DPYS: variants seen among roughly 807,000 people sequenced by gnomAD.
DPYS encodes dihydropyrimidine amidohydrolase.
Under a neutral mutation model 50.3 loss-of-function variants are expected in DPYS, and 39 were observed. The ratio of observed to expected loss-of-function variants is 0.78; its 90% CI spans 0.60 to 1.01. DPYS has a LOEUF of 1.01. Among genes scored for constraint, DPYS ranks in the 50% least tolerant of loss-of-function variants. DPYS has a pLI of 0.00. For missense variants in DPYS, 659 were observed against 680.9 expected (o/e 0.97, Z 0.36); for synonymous variants, 245 against 250.7 (o/e 0.98, Z 0.22).
intron 5 of DPYS, chr8:104,429,272 T>G (rs1195194019): frequency 3.0e-5 from 14 of 471,426 alleles, no homozygotes; most frequent in Non-Finnish European, 5.4e-5. Flanking sequence ...GAGCCCTGGG[T>G]TTGGGCAACA....
rs142574766 is a variant in DPYS, at chr8:104,381,290, G to A, written c.1468C>T (p.Arg490Cys). The change falls in exon 9 of 10, where the codon CGT becomes TGT. Residue 490 changes from arginine to cysteine, a missense_variant. Arg to Cys is a radical substitution (Grantham distance 180). Transcript: ENST00000351513. ...GCGACTTCTCCCTTATAGGGTGCACGCTCCACAGGGGTAGGTGTGCAAGTC... is the reference window on the plus strand; with the variant it reads ...GCGACTTCTCCCTTATAGGGTGCACACTCCACAGGGGTAGGTGTGCAAGTC... The part of the protein sequence containing the change: ...DRTCTPTPVE[R>C]APYKGEVATL... The A allele has an allele frequency of 4.8e-5, 78 of 1,614,062 alleles. No homozygotes were observed. In the East Asian group the frequency reaches 1.0e-3, roughly 21 times the overall value.
intron 8 of DPYS, among the ~76,000 whole-genome samples, chr8:104,391,653 G>T (rs1811392360): frequency 6.6e-6 from 1 of 152,174 alleles, no homozygotes; most frequent in South Asian, 2.1e-4. Context: ...AATAACAGGG[G>T]TCTTTGATAG....
At chr8:104,459,431 T>C (rs1403827691) in intron 1 of DPYS, among the ~76,000 whole-genome samples, 4 of 152,218 alleles carry the variant, frequency 2.6e-5, no homozygotes, top group Non-Finnish European at 5.9e-5. Context: ...ACCATGGTTT[T>C]CATCTCTATA....
In DPYS at chr8:104,393,084, C is replaced by T. The variant is rs1811453897; in HGVS notation, c.1236-93G>A. 9.5e-6 allele frequency: 11 copies of T among 1,153,678 alleles called. No individual in the cohort carries two copies. The South Asian group carries it at 1.5e-4, about 15-fold the overall frequency. 71.5% of individuals were successfully genotyped at this position (1,153,678 alleles called of 1,614,324 possible). A position where few individuals can be genotyped will look rare whatever the true frequency, so the allele number is the denominator to read the frequency against. ...AAAAGAAGAATGACTTAGAAGAAAA[C>T]TTAGCAACTCTATTAAGTCATAGCT... On this transcript the variant is annotated intron_variant, in intron 7 of 9. Coordinates refer to ENST00000351513, the MANE Select transcript of DPYS (RefSeq NM_001385.3).
In DPYS at chr8:104,466,935, G is replaced by T; in HGVS notation, c.-15C>A. The T allele has an allele frequency of 6.8e-7, 1 of 1,465,310 alleles. No homozygotes were observed. Among genetic ancestry groups the T allele is most frequent in the Non-Finnish European group, 9.0e-7 (1 of 1,115,636 alleles). 90.8% of individuals were successfully genotyped at this position (1,465,310 alleles called of 1,614,324 possible). A position where few individuals can be genotyped will look rare whatever the true frequency, so the allele number is the denominator to read the frequency against. On this transcript the variant is annotated 5_prime_UTR_variant, in exon 1 of 10. Coordinates refer to ENST00000351513, the MANE Select transcript of DPYS (RefSeq NM_001385.3). The stretch of plus-strand genomic sequence containing the variant: ...GGCGCCGCCATAGCGAGGGGCGCGC[G>T]GGGTCCTACTCGGCCCGGGCTGCGC...
chr8:104,412,394 G>C (rs1185697611), intron 7 of DPYS, among the ~76,000 whole-genome samples: 1 of 152,184 alleles, frequency 6.6e-6, no homozygotes. Context: ...GCTATAAAGA[G>C]AGGTACTGAT....
intron 1 of DPYS, among the ~76,000 whole-genome samples, chr8:104,458,802 T>A (rs1305160596): frequency 6.6e-6 from 1 of 152,232 alleles, no homozygotes; most frequent in South Asian, 2.1e-4. Context: ...CATGTTAATA[T>A]GGAGTGTCAA....
Position 104,429,693 on chromosome 8 carries a change from C to T in DPYS, c.802G>A (p.Val268Ile), listed in dbSNP as rs1275128082. ...IADARRDGKV[V>I]YGEPIAASLG... ...CTGGCTGCTATGGGTTCACCATAGA[C>T]CACCTTCCCTGGAAAGATTAAAAGA... is the stretch of plus-strand genomic sequence containing the variant. The change falls in exon 5 of 10, where the codon GTC becomes ATC. Residue 268 changes from valine (V) to isoleucine (I), a missense_variant. Coordinates refer to ENST00000351513, the MANE Select transcript of DPYS (RefSeq NM_001385.3). The T allele has an allele frequency of 4.3e-6, 7 of 1,613,946 alleles. No individual in the cohort carries two copies. The highest frequency in any genetic ancestry group is 1.3e-5 in the African/African-American group (1 of 74,896).
At chr8:104,409,669 C>T (rs191553326) in intron 7 of DPYS, among the ~76,000 whole-genome samples, 34 of 152,254 alleles carry the variant, frequency 2.2e-4, no homozygotes, top group Middle Eastern at 3.4e-3. Context: ...CTCCCTACTA[C>T]TGTATAACTC....
chr8:104,458,982 G>A (rs1814025460), intron 1 of DPYS, among the ~76,000 whole-genome samples: 1 of 152,170 alleles, frequency 6.6e-6, no homozygotes, highest in South Asian at 2.1e-4. Context: ...TCAGGTGAAT[G>A]TTAAGGTCTT....
chr8:104,393,824 T>C (rs1000893719), intron 7 of DPYS, among the ~76,000 whole-genome samples: 1 of 152,204 alleles, frequency 6.6e-6, no homozygotes, highest in Non-Finnish European at 1.5e-5. Flanking sequence ...TTTATTTCCA[T>C]AGGCTTTTGG....
intron 1 of DPYS, among the ~76,000 whole-genome samples, chr8:104,464,431 C>G (rs1814278880): frequency 6.6e-6 from 1 of 152,206 alleles, no homozygotes. Context: ...TCATCTGGAA[C>G]CCTGATGGCA....
chr8:104,438,947 T>C (rs945514719), intron 4 of DPYS, among the ~76,000 whole-genome samples: 3 of 151,976 alleles, frequency 2.0e-5, no homozygotes, highest in African/African-American at 7.3e-5. Context: ...TGCATGCCTA[T>C]AGTCCCAGCC....
At chr8:104,389,547 T>C in intron 8 of DPYS, among the ~76,000 whole-genome samples, 1 of 152,062 alleles carries the variant, frequency 6.6e-6, no homozygotes, top group Non-Finnish European at 1.5e-5. Flanking sequence ...TTATTTTTTT[T>C]TTTTTGTCTC....
chr8:104,414,000 G>A (rs542729821), intron 7 of DPYS, among the ~76,000 whole-genome samples: 1 of 152,290 alleles, frequency 6.6e-6, no homozygotes, highest in Admixed American at 6.5e-5. Context: ...AAGGCTTACT[G>A]GGAGCCAGTA....
At chr8:104,395,364 A>G (rs1263115644) in intron 7 of DPYS, among the ~76,000 whole-genome samples, 2 of 152,206 alleles carry the variant, frequency 1.3e-5, no homozygotes, top group Non-Finnish European at 2.9e-5. Flanking sequence ...GCACATTTCT[A>G]TGAATGTTTA....
intron 7 of DPYS, chr8:104,411,719 AC>A (rs1812180732): frequency 6.6e-6 from 1 of 152,140 alleles, no homozygotes; most frequent in Non-Finnish European, 1.5e-5. Context: ...GCTCAGCAAT[AC>A]CCCTCATGGG....
Position 104,424,241 on chromosome 8 carries a change from A to G in DPYS, c.1235+6T>C. ...GAAGCCAAGGAATACAAGAACTTAGACTTACCTTGTGCCTTTTGGGTCCCA... is the reference window on the plus strand; with the variant it reads ...GAAGCCAAGGAATACAAGAACTTAGGCTTACCTTGTGCCTTTTGGGTCCCA... On this transcript the variant is annotated splice_donor_region_variant and intron_variant, in intron 7 of 9. Coordinates refer to ENST00000351513, the MANE Select transcript of DPYS (RefSeq NM_001385.3). 2 of 1,614,092 alleles carry G rather than the reference A, an allele frequency of 1.2e-6. No homozygotes were observed. Among genetic ancestry groups the G allele is most frequent in the Non-Finnish European group, 1.7e-6 (2 of 1,179,980 alleles).
chr8:104,413,950 G>A (rs1812280343), intron 7 of DPYS, among the ~76,000 whole-genome samples: 1 of 152,166 alleles, frequency 6.6e-6, no homozygotes, highest in Non-Finnish European at 1.5e-5. Flanking sequence ...TGGGCCTAAG[G>A]ATCTGGTGAA....
Sources: allele counts gnomAD v4.1 joint callset (sites outside exome capture counted in the v4.1 genomes callset), GRCh38; gene constraint gnomAD v4.1.1; transcripts MANE v1.5; gene names NCBI Gene and HGNC (gene_info 2026-07-23, HGNC 2026-07-21).